CATSPERB: variants seen among roughly 807,000 people sequenced by gnomAD.
CATSPERB encodes catsper channel auxiliary subunit beta, also known as cation channel sperm-associated auxiliary subunit beta.
A neutral mutation model predicts 128.3 loss-of-function variants in CATSPERB; 93 were observed. That is an observed-to-expected ratio of 0.72 (90% CI 0.61 to 0.86). The LOEUF (loss-of-function observed/expected upper bound fraction) is 0.86. CATSPERB is among the 40% of genes least tolerant of loss of function. The pLI is 0.00. For synonymous variants in CATSPERB, 381 were observed against 448.8 expected, an observed-to-expected ratio of 0.85 and a Z score of 1.91; for missense variants, 1,153 against 1,329.5, an observed-to-expected ratio of 0.87 and a Z score of 2.06.
At chr14:91,693,083 AG>A in intron 9 of CATSPERB, 42 bp downstream of exon 9, 2 of 1,235,004 alleles carry the variant, frequency 1.6e-6, no homozygotes, top group South Asian at 2.5e-5. Context: ...GTGTCACAGA[AG>A]ATATTTAAGA....
chr14:91,629,488 A>T (rs781660812), intron 17 of CATSPERB, among the ~76,000 whole-genome samples: 1 of 152,190 alleles, frequency 6.6e-6, no homozygotes, highest in Non-Finnish European at 1.5e-5. Flanking sequence ...AATTTGCAAC[A>T]CTAAGAGTAA....
intron 2 of CATSPERB, among the ~76,000 whole-genome samples, chr14:91,725,441 G>A (rs915691528): frequency 6.6e-6 from 1 of 152,310 alleles, no homozygotes; most frequent in Admixed American, 6.5e-5. Flanking sequence ...ACAAAAACCA[G>A]TTCTTGACAC....
intron 15 of CATSPERB, among the ~76,000 whole-genome samples, chr14:91,657,432 A>G (rs1894806434): frequency 2.0e-5 from 3 of 152,146 alleles, no homozygotes; most frequent in Admixed American, 6.5e-5. Context: ...GAAAACTTTG[A>G]GGAAACTATC....
intron 10 of CATSPERB, among the ~76,000 whole-genome samples, chr14:91,686,239 G>C (rs1471260174): frequency 2.0e-5 from 3 of 152,080 alleles, no homozygotes; most frequent in Non-Finnish European, 4.4e-5. Flanking sequence ...ATTTTTTAAT[G>C]ATCTAGCCCC....
intron 2 of CATSPERB, among the ~76,000 whole-genome samples, chr14:91,727,457 G>A (rs1206196686): frequency 6.6e-6 from 1 of 152,174 alleles, no homozygotes; most frequent in African/African-American, 2.4e-5. Flanking sequence ...TTTGTATAAT[G>A]TAATGATTTC....
At chr14:91,589,503 T>C in intron 24 of CATSPERB, 31 bp downstream of exon 24, 1 of 1,592,210 alleles carries the variant, frequency 6.3e-7, no homozygotes, top group Non-Finnish European at 8.6e-7. Flanking sequence ...ACTTATCAGA[T>C]AAAATAATTA....
intron 15 of CATSPERB, among the ~76,000 whole-genome samples, chr14:91,642,880 T>C: frequency 7.1e-6 from 1 of 140,868 alleles, no homozygotes; most frequent in Non-Finnish European, 1.5e-5. Context: ...ATTGCCACAA[T>C]TTCAGCTCCT....
At chr14:91,684,201 T>G (rs1165379089) in intron 10 of CATSPERB, among the ~76,000 whole-genome samples, 1 of 152,212 alleles carries the variant, frequency 6.6e-6, no homozygotes, top group East Asian at 1.9e-4. Context: ...GATGCCCTTG[T>G]CTATGAACTG....
At chr14:91,666,078 A>G (rs1894979011) in intron 14 of CATSPERB, among the ~76,000 whole-genome samples, 1 of 151,900 alleles carries the variant, frequency 6.6e-6, no homozygotes, top group South Asian at 2.1e-4. Context: ...TCACTCTGCC[A>G]CTCTTCTCTC....
intron 10 of CATSPERB, among the ~76,000 whole-genome samples, chr14:91,690,237 C>T (rs1018996877): frequency 1.3e-5 from 2 of 152,350 alleles, no homozygotes; most frequent in East Asian, 3.9e-4. Flanking sequence ...AGGTGATCCA[C>T]CCGCCTCAGC....
At chr14:91,649,135 T>C (rs80126639) in intron 15 of CATSPERB, among the ~76,000 whole-genome samples, 8,325 of 152,264 alleles carry the variant, frequency 0.055, 306 homozygotes, top group South Asian at 0.14. Flanking sequence ...ACCTGGCATA[T>C]ACGAGGTACT....
chr14:91,618,367 C>T (rs1453625931), intron 19 of CATSPERB, among the ~76,000 whole-genome samples: 1 of 152,192 alleles, frequency 6.6e-6, no homozygotes, highest in African/African-American at 2.4e-5. Context: ...GGGAATGCAA[C>T]CCAGTAGGTC....
Position 91,668,536 on chromosome 14 carries a change from G to A in CATSPERB, c.1287+1278C>T, listed in dbSNP as rs1045927133. ...ATAAGGGAATAAAAGCTGGCCACCC[G>A]AGCCAGCAACGGCAAGCTACTCGGG... is the stretch of plus-strand genomic sequence containing the variant. On this transcript the variant is annotated intron_variant, in intron 14 of 26. Coordinates refer to ENST00000256343, the MANE Select transcript of CATSPERB (RefSeq NM_024764.4). Among the ~76,000 whole-genome samples the A allele has an allele frequency of 3.3e-5, 5 of 152,106 alleles. No individual in the cohort carries two copies. In the South Asian group the frequency reaches 6.2e-4, roughly 19 times the overall value.
intron 15 of CATSPERB, among the ~76,000 whole-genome samples, chr14:91,653,944 A>C (rs1894748144): frequency 6.6e-6 from 1 of 152,246 alleles, no homozygotes; most frequent in African/African-American, 2.4e-5. Flanking sequence ...GGTGAAGCAG[A>C]TGGGTCTCAA....
Position 91,674,299 on chromosome 14 carries a change from T to A in CATSPERB, c.932-77A>T. The stretch of plus-strand genomic sequence containing the variant: ...AAACTGGAAGGGTTAGTCTTAATAG[T>A]CTTCATGAAAATCATAGAAATTATT... On this transcript the variant is annotated intron_variant, in intron 11 of 26. Coordinates refer to ENST00000256343, the MANE Select transcript of CATSPERB (RefSeq NM_024764.4). 5 of 808,146 alleles carry A rather than the reference T, an allele frequency of 6.2e-6. No homozygotes were observed. In the African/African-American group the frequency reaches 7.1e-5, roughly 12 times the overall value. 50.1% of individuals were successfully genotyped at this position (808,146 alleles called of 1,614,324 possible).
chr14:91,692,876 C>G (rs1380789116), intron 9 of CATSPERB, among the ~76,000 whole-genome samples: 1 of 152,078 alleles, frequency 6.6e-6, no homozygotes, highest in African/African-American at 2.4e-5. Context: ...GTAGACAGAT[C>G]TTTTCTGCAT....
chr14:91,639,787 G>A (rs1209771814), intron 15 of CATSPERB, among the ~76,000 whole-genome samples: 3 of 152,132 alleles, frequency 2.0e-5, no homozygotes, highest in African/African-American at 7.2e-5. Context: ...CTGAGACAGG[G>A]TCCCCTCCCT....
chr14:91,657,442 C>T (rs1168612306), intron 15 of CATSPERB, among the ~76,000 whole-genome samples: 1 of 151,976 alleles, frequency 6.6e-6, no homozygotes, highest in African/African-American at 2.4e-5. Flanking sequence ...AGGAAACTAT[C>T]CACGACATTA....
At chr14:91,627,589 G>C (rs957019146) in intron 17 of CATSPERB, among the ~76,000 whole-genome samples, 41 of 152,346 alleles carry the variant, frequency 2.7e-4, no homozygotes, top group African/African-American at 9.4e-4. Flanking sequence ...TCAGCAAACT[G>C]TGGAAGGTAA....
Sources: allele counts gnomAD v4.1 joint callset (sites outside exome capture counted in the v4.1 genomes callset), GRCh38; gene constraint gnomAD v4.1.1; transcripts MANE v1.5; gene names NCBI Gene and HGNC (gene_info 2026-07-23, HGNC 2026-07-21).